Variants in LRMDA observed in about 807,000 individuals in gnomAD.
LRMDA encodes leucine rich melanocyte differentiation associated, also known as leucine-rich melanocyte differentiation-associated protein.
Under a neutral mutation model 29.8 loss-of-function variants are expected in LRMDA, and 18 were observed. The ratio of observed to expected loss-of-function variants is 0.60; its 90% CI spans 0.42 to 0.90. LRMDA has a LOEUF of 0.90. LRMDA is among the 40% of genes least tolerant of loss of function. The pLI is 0.00. For missense variants in LRMDA, 273 were observed against 273.9 expected (o/e 1.00, Z 0.02); for synonymous variants, 125 against 109.4 (o/e 1.14, Z -0.89).
chr10:76,446,285 A>AC (rs1842353446), intron 6 of LRMDA, among the ~76,000 whole-genome samples: 2 of 152,278 alleles, frequency 1.3e-5, no homozygotes, highest in Admixed American at 1.3e-4. Flanking sequence ...TCATTCCTAC[A>AC]CAGATGATCA....
At chr10:76,070,110 G>A (rs1564644920) in intron 5 of LRMDA, among the ~76,000 whole-genome samples, 1 of 152,170 alleles carries the variant, frequency 6.6e-6, no homozygotes, top group Non-Finnish European at 1.5e-5. Flanking sequence ...ATAATCTGTG[G>A]CAGGAGCTAA....
chr10:75,556,912 CT>C (rs997349158), intron 2 of LRMDA, among the ~76,000 whole-genome samples: 2 of 151,414 alleles, frequency 1.3e-5, no homozygotes, highest in African/African-American at 4.9e-5. Context: ...TTCTAAAATT[CT>C]AAAAAATACT....
chr10:75,528,820 G>C (rs1357864782), intron 2 of LRMDA, among the ~76,000 whole-genome samples: 1 of 152,112 alleles, frequency 6.6e-6, no homozygotes, highest in Non-Finnish European at 1.5e-5. Context: ...AAAAAACCTA[G>C]TATTAATATC....
chr10:75,547,172 A>C (rs542305132), intron 2 of LRMDA, among the ~76,000 whole-genome samples: 9 of 152,298 alleles, frequency 5.9e-5, no homozygotes, highest in African/African-American at 2.2e-4. Context: ...TTTATTCATC[A>C]GTGCACCCAA....
intron 2 of LRMDA, among the ~76,000 whole-genome samples, chr10:76,017,602 C>G (rs1454568448): frequency 6.6e-6 from 1 of 152,210 alleles, no homozygotes; most frequent in Non-Finnish European, 1.5e-5. Context: ...CTTCAGGAGT[C>G]TCCATTCTCT....
intron 2 of LRMDA, among the ~76,000 whole-genome samples, chr10:75,963,476 T>C (rs529196725): frequency 1.6e-4 from 24 of 152,332 alleles, no homozygotes; most frequent in Middle Eastern, 3.4e-3. Context: ...TTCTTCATGA[T>C]TGTGTTTTGT....
chr10:76,159,735 A>G (rs907145195), intron 5 of LRMDA, among the ~76,000 whole-genome samples: 6 of 152,200 alleles, frequency 3.9e-5, no homozygotes, highest in South Asian at 2.1e-4. Context: ...ATGCAAAGAC[A>G]TGGAAGAAAC....
intron 6 of LRMDA, among the ~76,000 whole-genome samples, chr10:76,556,208 A>T (rs1317683626): frequency 6.6e-6 from 1 of 152,208 alleles, no homozygotes; most frequent in African/African-American, 2.4e-5. Context: ...GGAGAGCCTT[A>T]TACGGAGCCA....
chr10:75,757,170 A>G (rs1353484158), intron 2 of LRMDA, among the ~76,000 whole-genome samples: 2 of 152,222 alleles, frequency 1.3e-5, no homozygotes, highest in Admixed American at 1.3e-4. Context: ...TTAGCACAAT[A>G]GAAGTTTATT....
chr10:76,485,447 A>G (rs1312303161), intron 6 of LRMDA, among the ~76,000 whole-genome samples: 1 of 151,950 alleles, frequency 6.6e-6, no homozygotes. Flanking sequence ...CTTATCCTCT[A>G]TGAAATTGCT....
intron 2 of LRMDA, among the ~76,000 whole-genome samples, chr10:75,972,277 A>ATT (rs200885177): frequency 6.9e-6 from 1 of 145,892 alleles, no homozygotes; most frequent in Admixed American, 6.9e-5. Flanking sequence ...GGAGTTTGGG[A>ATT]TTTTTTTTTT....
intron 2 of LRMDA, among the ~76,000 whole-genome samples, chr10:75,936,404 C>T (rs1038260741): frequency 2.0e-5 from 3 of 152,162 alleles, no homozygotes; most frequent in Non-Finnish European, 4.4e-5. Flanking sequence ...CATTCTCTTC[C>T]TGGTATATAA....
At chr10:75,871,390 T>A (rs1845108094) in intron 2 of LRMDA, among the ~76,000 whole-genome samples, 1 of 152,216 alleles carries the variant, frequency 6.6e-6, no homozygotes, top group Non-Finnish European at 1.5e-5. Flanking sequence ...AGTGCCTCCA[T>A]CAGGGGTAAC....
chr10:76,211,640 A>T (rs1405291699), intron 5 of LRMDA, among the ~76,000 whole-genome samples: 1 of 152,258 alleles, frequency 6.6e-6, no homozygotes, highest in Non-Finnish European at 1.5e-5. Context: ...ATAGGTTTTT[A>T]GGTTTTGCTA....
chr10:75,717,173 G>A (rs1423977148), intron 2 of LRMDA, among the ~76,000 whole-genome samples: 1 of 152,194 alleles, frequency 6.6e-6, no homozygotes, highest in Non-Finnish European at 1.5e-5. Context: ...GGGGCAGGGG[G>A]TTGGAAGAGG....
At chr10:75,443,920 C>A (rs910153122) in intron 2 of LRMDA, among the ~76,000 whole-genome samples, 1 of 152,040 alleles carries the variant, frequency 6.6e-6, no homozygotes, top group Admixed American at 6.6e-5. Context: ...TTACTGCTTG[C>A]CAAGATGTTA....
intron 2 of LRMDA, among the ~76,000 whole-genome samples, chr10:75,701,854 T>C (rs1842311766): frequency 6.6e-6 from 1 of 152,232 alleles, no homozygotes; most frequent in African/African-American, 2.4e-5. Flanking sequence ...TGATCCATTT[T>C]CTATACTGTC....
intron 6 of LRMDA, among the ~76,000 whole-genome samples, chr10:76,462,227 G>A (rs1395213202): frequency 2.6e-5 from 4 of 151,594 alleles, no homozygotes; most frequent in African/African-American, 9.7e-5. Context: ...GGAGTCCCAG[G>A]CAATTTGTAT....
chr10:75,533,978 G>A (rs1481339425), intron 2 of LRMDA, among the ~76,000 whole-genome samples: 1 of 152,188 alleles, frequency 6.6e-6, no homozygotes, highest in East Asian at 1.9e-4. Flanking sequence ...TATTGCCTAG[G>A]TGTTAGGGTA....
Sources: allele counts gnomAD v4.1 joint callset (sites outside exome capture counted in the v4.1 genomes callset), GRCh38; gene constraint gnomAD v4.1.1; transcripts MANE v1.5; gene names NCBI Gene and HGNC (gene_info 2026-07-23, HGNC 2026-07-21).